The following ATRNL1 variants were observed in gnomAD, a reference collection of about 807,000 sequenced individuals.
ATRNL1 encodes attractin-like protein 1.
A neutral mutation model predicts 182.7 loss-of-function variants in ATRNL1; 95 were observed. The ratio of observed to expected loss-of-function variants is 0.52; its 90% confidence interval spans 0.44 to 0.62. ATRNL1 has a LOEUF of 0.62. Among genes scored for constraint, ATRNL1 ranks in the 20% least tolerant of loss-of-function variants. ATRNL1 has a pLI of 0.00. For missense variants in ATRNL1, 1,471 were observed against 1,679.5 expected, an observed-to-expected ratio of 0.88 and a Z score of 2.17; for synonymous variants, 576 against 568.3, an observed-to-expected ratio of 1.01 and a Z score of -0.19.
At chr10:115,852,481 C>A (rs114567388) in intron 28 of ATRNL1, among the ~76,000 whole-genome samples, 1 of 152,066 alleles carries the variant, frequency 6.6e-6, no homozygotes, top group Admixed American at 6.6e-5. Context: ...TTATATTAAG[C>A]GCTTTATGTA....
chr10:115,662,538 C>T (rs1278832647), intron 26 of ATRNL1, among the ~76,000 whole-genome samples: 2 of 152,006 alleles, frequency 1.3e-5, no homozygotes, highest in Non-Finnish European at 2.9e-5. Context: ...TTACCTGTAG[C>T]CAATTTGTCA....
intron 14 of ATRNL1, among the ~76,000 whole-genome samples, chr10:115,282,167 TTATAA>T (rs1486407093): frequency 5.5e-4 from 80 of 146,708 alleles, no homozygotes; most frequent in Middle Eastern, 7.4e-3. Context: ...TATATTACAT[TTATAA>T]TATATAATAT....
chr10:115,202,237 T>G (rs1270885241), intron 8 of ATRNL1, among the ~76,000 whole-genome samples: 6 of 151,868 alleles, frequency 4.0e-5, no homozygotes, highest in Admixed American at 2.6e-4. Flanking sequence ...TTCTCCTGCC[T>G]AATTGCCCTG....
At chr10:115,679,491 C>A (rs570078402) in intron 26 of ATRNL1, among the ~76,000 whole-genome samples, 2 of 151,932 alleles carry the variant, frequency 1.3e-5, no homozygotes, top group African/African-American at 4.8e-5. Context: ...GCTTTCTCTC[C>A]GCATACTTCA....
At chr10:115,660,967 G>A (rs150229991) in intron 26 of ATRNL1, among the ~76,000 whole-genome samples, 1 of 152,112 alleles carries the variant, frequency 6.6e-6, no homozygotes, top group Non-Finnish European at 1.5e-5. Flanking sequence ...ATAGGGAAAT[G>A]AAATAATCAT....
intron 26 of ATRNL1, among the ~76,000 whole-genome samples, chr10:115,691,278 A>G (rs145390868): frequency 4.9e-4 from 74 of 152,262 alleles, no homozygotes; most frequent in African/African-American, 1.8e-3. Context: ...CTTCCTTACC[A>G]ACATTGATTA....
At chr10:115,917,805 G>A (rs1169914415) in intron 28 of ATRNL1, among the ~76,000 whole-genome samples, 6 of 152,020 alleles carry the variant, frequency 3.9e-5, no homozygotes, top group African/African-American at 1.2e-4. Context: ...ATTTCAGGCC[G>A]GCTCAGCACT....
intron 5 of ATRNL1, among the ~76,000 whole-genome samples, chr10:115,132,312 T>G (rs1338703102): frequency 6.6e-6 from 1 of 152,208 alleles, no homozygotes; most frequent in Non-Finnish European, 1.5e-5. Context: ...TGCCACATTT[T>G]CTTAATCCAG....
intron 9 of ATRNL1, among the ~76,000 whole-genome samples, chr10:115,222,466 T>TGG (rs1849506169): frequency 6.6e-6 from 1 of 152,166 alleles, no homozygotes; most frequent in Admixed American, 6.5e-5. Flanking sequence ...AGAAGTTCTG[T>TGG]GAGCACCAAG....
intron 19 of ATRNL1, among the ~76,000 whole-genome samples, chr10:115,352,848 C>T (rs966321651): frequency 6.6e-5 from 10 of 151,934 alleles, no homozygotes; most frequent in Non-Finnish European, 1.3e-4. Flanking sequence ...TGTGGTGAGC[C>T]GAGATTGTGG....
At chr10:115,796,918 T>C (rs1259951775) in intron 27 of ATRNL1, among the ~76,000 whole-genome samples, 1 of 152,226 alleles carries the variant, frequency 6.6e-6, no homozygotes, top group African/African-American at 2.4e-5. Context: ...GTATCAAAAA[T>C]CATTGATCAG....
chr10:115,884,683 A>G lies in ATRNL1; in HGVS notation c.4018+36692A>G, dbSNP rs564005307. 9.4e-4 allele frequency among the ~76,000 whole-genome samples: 143 copies of G among 152,236 alleles called. 1 individual carries two copies. The highest frequency in any genetic ancestry group is 3.3e-3 in the African/African-American group (138 of 41,538). ...TAAATGCAAAAAAACTGCCGAAGAG[A>G]GGTTCTATTTGATGGACTTGGCTTC... On this transcript the variant is annotated intron_variant, in intron 28 of 28. Transcript: ENST00000355044.
At chr10:115,346,402 C>T (rs782099450) in intron 19 of ATRNL1, among the ~76,000 whole-genome samples, 20 of 152,182 alleles carry the variant, frequency 1.3e-4, no homozygotes, top group Non-Finnish European at 2.4e-4. Context: ...TTAGCATAAG[C>T]CTTCATGGTT....
At chr10:115,871,503 A>G (rs939317518) in intron 28 of ATRNL1, among the ~76,000 whole-genome samples, 3 of 147,090 alleles carry the variant, frequency 2.0e-5, no homozygotes, top group African/African-American at 7.4e-5. Flanking sequence ...ATATATATAT[A>G]TGACTTTTGA....
chr10:115,659,731 T>A (rs1018817603), intron 26 of ATRNL1, among the ~76,000 whole-genome samples: 2 of 152,082 alleles, frequency 1.3e-5, no homozygotes, highest in African/African-American at 4.8e-5. Context: ...TCTCAAAGAA[T>A]GTGAAATCCA....
intron 28 of ATRNL1, among the ~76,000 whole-genome samples, chr10:115,874,394 G>A (rs1279190278): frequency 6.6e-6 from 1 of 152,116 alleles, no homozygotes; most frequent in African/African-American, 2.4e-5. Context: ...CTTGTCTTAG[G>A]TTGCCATCCA....
At chr10:115,182,367 A>G (rs1481809246) in intron 8 of ATRNL1, among the ~76,000 whole-genome samples, 2 of 151,546 alleles carry the variant, frequency 1.3e-5, no homozygotes, top group Admixed American at 1.3e-4. Context: ...AAAGGAAAAC[A>G]CTAACAAAGA....
chr10:115,441,686 T>C (rs1398192707), intron 21 of ATRNL1, among the ~76,000 whole-genome samples: 1 of 152,014 alleles, frequency 6.6e-6, no homozygotes, highest in Non-Finnish European at 1.5e-5. Flanking sequence ...GAAAGTCATA[T>C]TCAGTATTTT....
chr10:115,738,578 A>G (rs2134090925), intron 27 of ATRNL1, among the ~76,000 whole-genome samples: 1 of 152,302 alleles, frequency 6.6e-6, no homozygotes, highest in South Asian at 2.1e-4. Flanking sequence ...AAAATTATAA[A>G]AAGACCTTTC....
Sources: allele counts gnomAD v4.1 joint callset (sites outside exome capture counted in the v4.1 genomes callset), GRCh38; gene constraint gnomAD v4.1.1; transcripts MANE v1.5; gene names NCBI Gene and HGNC (gene_info 2026-07-23, HGNC 2026-07-21).